Variants in CDH4 observed in about 807,000 individuals in gnomAD.
CDH4 encodes cadherin-4.
A neutral mutation model predicts 86.0 loss-of-function variants in CDH4; 33 were observed. The observed-to-expected ratio is 0.38, with a 90% CI of 0.29 to 0.51. The LOEUF is 0.51. Ranked by LOEUF, CDH4 falls within the 20% of genes least tolerant of loss-of-function variation. The pLI is 0.86. For synonymous variants in CDH4, 555 were observed against 549.4 expected (o/e 1.01, Z -0.14); for missense variants, 1,114 against 1,307.4 (o/e 0.85, Z 2.28).
At chr20:61,803,116 C>T (rs867901478) in intron 4 of CDH4, among the ~76,000 whole-genome samples, 6 of 152,232 alleles carry the variant, frequency 3.9e-5, no homozygotes, top group Admixed American at 1.3e-4. Context: ...GTCTCAGCAG[C>T]GCGGCGAGTC....
chr20:61,654,914 CG>C (rs1568736454), intron 2 of CDH4, among the ~76,000 whole-genome samples: 2 of 62,402 alleles, frequency 3.2e-5, no homozygotes, highest in Non-Finnish European at 1.0e-4. Context: ...GACAGGGACA[CG>C]GGGGCCTGAG....
intron 2 of CDH4, among the ~76,000 whole-genome samples, chr20:61,265,280 C>T (rs113502889): frequency 4.8e-5 from 7 of 144,984 alleles, no homozygotes; most frequent in East Asian, 2.1e-4. Flanking sequence ...CCTACACGTA[C>T]CTCAGTGGTT....
At chr20:61,300,654 C>A (rs193084010) in intron 2 of CDH4, among the ~76,000 whole-genome samples, 2 of 152,206 alleles carry the variant, frequency 1.3e-5, no homozygotes, top group Non-Finnish European at 2.9e-5. Flanking sequence ...CTGCCCTGTT[C>A]TGCCCACACA....
intron 2 of CDH4, among the ~76,000 whole-genome samples, chr20:61,711,775 G>A (rs1324585526): frequency 1.3e-5 from 2 of 152,188 alleles, no homozygotes; most frequent in African/African-American, 2.4e-5. Flanking sequence ...GGGTAGCACC[G>A]TGTGCGGGGC....
At chr20:61,541,689 A>G (rs1338589829) in intron 2 of CDH4, among the ~76,000 whole-genome samples, 3 of 152,216 alleles carry the variant, frequency 2.0e-5, no homozygotes, top group Non-Finnish European at 1.5e-5. Flanking sequence ...TCTTTTGTGC[A>G]TAGACAGAAA....
intron 7 of CDH4, among the ~76,000 whole-genome samples, chr20:61,881,777 A>G (rs914256496): frequency 2.6e-5 from 4 of 152,220 alleles, no homozygotes; most frequent in African/African-American, 9.7e-5. Flanking sequence ...CCCAATCAGC[A>G]TCTGGACTGG....
chr20:61,382,805 G>C (rs1474889187), intron 2 of CDH4, among the ~76,000 whole-genome samples: 3 of 152,148 alleles, frequency 2.0e-5, no homozygotes, highest in Middle Eastern at 3.4e-3. Flanking sequence ...CTCAGTGCCA[G>C]GGAGTTAGAG....
At chr20:61,446,492 A>G (rs540054108) in intron 2 of CDH4, among the ~76,000 whole-genome samples, 1 of 152,350 alleles carries the variant, frequency 6.6e-6, no homozygotes, top group South Asian at 2.1e-4. Context: ...CGTGTCATCA[A>G]ACGTTCATAG....
intron 2 of CDH4, among the ~76,000 whole-genome samples, chr20:61,302,667 T>A (rs1372634959): frequency 6.6e-6 from 1 of 152,180 alleles, no homozygotes; most frequent in Non-Finnish European, 1.5e-5. Context: ...CATTTGGGTC[T>A]GTGTGAGACA....
chr20:61,797,090 C>T (rs1424690934), intron 4 of CDH4, among the ~76,000 whole-genome samples: 1 of 151,912 alleles, frequency 6.6e-6, no homozygotes, highest in Non-Finnish European at 1.5e-5. Flanking sequence ...AGAGCCCCCC[C>T]CCCCCCAACA....
At chr20:61,323,342 G>A (rs2084519353) in intron 2 of CDH4, among the ~76,000 whole-genome samples, 1 of 152,126 alleles carries the variant, frequency 6.6e-6, no homozygotes. Flanking sequence ...TCATCAGCCT[G>A]CCAGGAGGGG....
intron 2 of CDH4, among the ~76,000 whole-genome samples, chr20:61,568,696 C>A (rs1269538476): frequency 1.3e-5 from 2 of 152,250 alleles, no homozygotes; most frequent in African/African-American, 4.8e-5. Flanking sequence ...CCAGCTCCAT[C>A]CTGTGCCTCC....
At chr20:61,604,903 G>A (rs1432878334) in intron 2 of CDH4, among the ~76,000 whole-genome samples, 1 of 97,870 alleles carries the variant, frequency 1.0e-5, no homozygotes, top group Non-Finnish European at 2.4e-5. Flanking sequence ...GGAAGAGAGA[G>A]GCCTGGCCTG....
At chr20:61,767,742 A>AG (rs1219131660) in intron 3 of CDH4, among the ~76,000 whole-genome samples, 1 of 152,068 alleles carries the variant, frequency 6.6e-6, no homozygotes, top group Non-Finnish European at 1.5e-5. Context: ...GGAGCACAGG[A>AG]GGGGAACTGT....
intron 2 of CDH4, among the ~76,000 whole-genome samples, chr20:61,319,933 T>G (rs1196458245): frequency 6.8e-6 from 1 of 147,782 alleles, no homozygotes; most frequent in Non-Finnish European, 1.5e-5. Flanking sequence ...CCAGCCTGGG[T>G]GACAGAGTAA....
At chr20:61,559,094 G>A (rs763698449) in intron 2 of CDH4, among the ~76,000 whole-genome samples, 17 of 152,312 alleles carry the variant, frequency 1.1e-4, no homozygotes, top group Non-Finnish European at 1.8e-4. Context: ...TGAGGTGGGC[G>A]GAGCATGAGG....
rs189930416 is a variant in CDH4, at chr20:61,604,524, T to A, written c.170-139039T>A. On this transcript the variant is annotated intron_variant, in intron 2 of 15. Coordinates refer to ENST00000614565, the MANE Select transcript of CDH4 (RefSeq NM_001794.5). The stretch of plus-strand genomic sequence containing the variant: ...CGAGATGAGATTTGCTTTTAGGGTA[T>A]TTTCAGCATTTCAAGTCTTGTAGAA... Among the ~76,000 whole-genome samples the A allele has an allele frequency of 1.6e-3, 246 of 152,080 alleles. 1 individual carries two copies. Among genetic ancestry groups the A allele is most frequent in the Admixed American group, 4.5e-3 (69 of 15,274 alleles).
intron 3 of CDH4, among the ~76,000 whole-genome samples, chr20:61,751,295 C>A (rs951562442): frequency 2.0e-4 from 30 of 152,332 alleles, no homozygotes; most frequent in Middle Eastern, 6.8e-3. Context: ...CCATATGCAA[C>A]CAAAGCTCTT....
intron 2 of CDH4, among the ~76,000 whole-genome samples, chr20:61,367,139 C>T (rs28601712): frequency 7.2e-5 from 11 of 152,144 alleles, no homozygotes; most frequent in South Asian, 2.1e-4. Flanking sequence ...GGGAGGAGGG[C>T]GTGTGCCAAA....
Sources: allele counts gnomAD v4.1 joint callset (sites outside exome capture counted in the v4.1 genomes callset), GRCh38; gene constraint gnomAD v4.1.1; transcripts MANE v1.5; gene names NCBI Gene and HGNC (gene_info 2026-07-23, HGNC 2026-07-21).